Variants in EPHB1 observed in about 807,000 individuals in gnomAD.
EPHB1 encodes the protein EPH receptor B1.
Under a neutral mutation model 94.4 loss-of-function variants are expected in EPHB1, and 30 were observed. The observed-to-expected ratio is 0.32, with a 90% CI of 0.24 to 0.43. EPHB1 has a LOEUF of 0.43. EPHB1 is among the 20% of genes least tolerant of loss of function. The pLI is 1.00. For synonymous variants in EPHB1, 522 were observed against 489.1 expected (o/e 1.07, Z -0.89); for missense variants, 1,055 against 1,308.3 (o/e 0.81, Z 2.99).
In EPHB1 at chr3:135,073,828, G is replaced by C. The variant is rs140080546; in HGVS notation, c.806-32620G>C. Among the ~76,000 whole-genome samples, 37 of 151,844 alleles carry C rather than the reference G, an allele frequency of 2.4e-4. No individual in the cohort carries two copies. In the East Asian group the frequency reaches 7.2e-3, roughly 29 times the overall value. The stretch of plus-strand genomic sequence containing the variant: ...AACCATGTTGTTTGTCCTATGGAGC[G>C]TTCCATAGTCTGAGTTTGCTCGTTG... On this transcript the variant is annotated intron_variant, in intron 3 of 15. Transcript: ENST00000398015.
intron 12 of EPHB1, among the ~76,000 whole-genome samples, chr3:135,239,950 A>G (rs983941728): frequency 6.6e-6 from 1 of 152,108 alleles, no homozygotes; most frequent in East Asian, 1.9e-4. Flanking sequence ...AGGCACAGAG[A>G]GGTAGGTTAC....
rs186342583 is a variant in EPHB1, at chr3:135,101,339, A to T, written c.806-5109A>T. The stretch of plus-strand genomic sequence containing the variant: ...TTCTGAATTTCATCTCCTAACCATC[A>T]CAATAAACTGTTTAATCACCATTGC... On this transcript the variant is annotated intron_variant, in intron 3 of 15. Transcript: ENST00000398015. 1.1e-4 allele frequency among the ~76,000 whole-genome samples: 16 copies of T among 149,368 alleles called. No individual in the cohort carries two copies. In the Admixed American group the frequency reaches 1.1e-3, roughly 10 times the overall value.
rs145197064 is a variant in EPHB1 at position 135,203,087 on chromosome 3, A to G, written c.2346+1398A>G. On this transcript the variant is annotated intron_variant, in intron 12 of 15. Transcript: ENST00000398015. ...TTTGCAGGGACATGCATGAAGCTGG[A>G]AACCATCATTCTTAGAAAACTAACA... Among the ~76,000 whole-genome samples, 643 of 152,344 alleles carry G rather than the reference A, an allele frequency of 4.2e-3. 6 individuals carry two copies. Among genetic ancestry groups the G allele is most frequent in the African/African-American group, 0.014 (570 of 41,580 alleles).
chr3:135,180,979 T>C (rs1000132166), intron 10 of EPHB1, among the ~76,000 whole-genome samples: 16 of 152,238 alleles, frequency 1.1e-4, no homozygotes, highest in Non-Finnish European at 1.8e-4. Context: ...GGGAAAGCCA[T>C]GGAATTGCCT....
In EPHB1 at chr3:135,006,112, C is replaced by T. The variant is rs141995770; in HGVS notation, c.805+54060C>T. Among the ~76,000 whole-genome samples the T allele has an allele frequency of 6.9e-3, 1,055 of 152,336 alleles. 11 individuals carry two copies. The highest frequency in any genetic ancestry group is 0.024 in the African/African-American group (1,001 of 41,586). On this transcript the variant is annotated intron_variant, in intron 3 of 15. Transcript: ENST00000398015. The stretch of plus-strand genomic sequence containing the variant: ...GATTGTAAGTTTCCTGAGGCCTCCC[C>T]AGCCATGTGGAACTGTGAGTCAATT...
chr3:134,877,901 T>G (rs2037650509), intron 1 of EPHB1, among the ~76,000 whole-genome samples: 1 of 152,188 alleles, frequency 6.6e-6, no homozygotes, highest in African/African-American at 2.4e-5. Flanking sequence ...GGAGTCCTCT[T>G]CCACTGAGCT....
At chr3:135,149,993 C>T (rs6809493) in intron 5 of EPHB1, among the ~76,000 whole-genome samples, 6,228 of 152,282 alleles carry the variant, frequency 0.041, 423 homozygotes, top group African/African-American at 0.14. Context: ...CAACTAGACT[C>T]CTGCACAGAA....
intron 2 of EPHB1, among the ~76,000 whole-genome samples, chr3:134,931,703 G>A (rs1418569609): frequency 6.6e-6 from 1 of 152,306 alleles, no homozygotes; most frequent in Non-Finnish European, 1.5e-5. Flanking sequence ...TGTGTACTCC[G>A]TGTGTATGTA....
chr3:135,234,422 T>A (rs1943601051), intron 12 of EPHB1, among the ~76,000 whole-genome samples: 1 of 152,220 alleles, frequency 6.6e-6, no homozygotes, highest in African/African-American at 2.4e-5. Context: ...TCTAGGAAGT[T>A]CCAAACTTGC....
intron 3 of EPHB1, chr3:134,977,912 A>G: frequency 2.2e-6 from 1 of 452,218 alleles, no homozygotes; most frequent in South Asian, 1.6e-5. Context: ...TGTGAAGGAG[A>G]GAATGGAAGG....
intron 3 of EPHB1, among the ~76,000 whole-genome samples, chr3:135,033,691 G>A (rs1936558075): frequency 6.6e-6 from 1 of 152,200 alleles, no homozygotes; most frequent in Non-Finnish European, 1.5e-5. Context: ...TTAAGGATAT[G>A]CAGGGTAGTA....
At chr3:135,110,533 C>T (rs111907648) in intron 4 of EPHB1, among the ~76,000 whole-genome samples, 2 of 152,138 alleles carry the variant, frequency 1.3e-5, no homozygotes, top group African/African-American at 2.4e-5. Flanking sequence ...TTTTGGAACA[C>T]GAGCTTCCTT....
chr3:135,227,494 T>C (rs749579784), intron 12 of EPHB1, among the ~76,000 whole-genome samples: 8 of 152,204 alleles, frequency 5.3e-5, no homozygotes, highest in Non-Finnish European at 1.2e-4. Flanking sequence ...GATCTACTCA[T>C]AGGCTGCTTG....
At chr3:134,844,036 A>G (rs1397029917) in intron 1 of EPHB1, among the ~76,000 whole-genome samples, 1 of 152,178 alleles carries the variant, frequency 6.6e-6, no homozygotes, top group Non-Finnish European at 1.5e-5. Flanking sequence ...TTTTCCCCTG[A>G]ATGATGATGT....
intron 13 of EPHB1, among the ~76,000 whole-genome samples, chr3:135,247,402 T>A (rs901419870): frequency 8.5e-5 from 13 of 152,244 alleles, no homozygotes; most frequent in African/African-American, 2.9e-4. Context: ...AAGGCCTACA[T>A]TGTATTTTAG....
intron 15 of EPHB1, among the ~76,000 whole-genome samples, chr3:135,257,345 G>GT (rs1267391433): frequency 4.6e-5 from 7 of 152,038 alleles, no homozygotes; most frequent in Non-Finnish European, 7.4e-5. Flanking sequence ...CATCTTTGTG[G>GT]TTTTATCTAC....
chr3:135,192,888 G>T, intron 11 of EPHB1, 65 bp downstream of exon 11: 3 of 1,576,842 alleles, frequency 1.9e-6, no homozygotes, highest in Non-Finnish European at 2.6e-6. Context: ...GGGGAGAGGG[G>T]TTCCATGAGC....
At chr3:135,016,986 G>A (rs1448892985) in intron 3 of EPHB1, among the ~76,000 whole-genome samples, 1 of 152,202 alleles carries the variant, frequency 6.6e-6, no homozygotes, top group Non-Finnish European at 1.5e-5. Flanking sequence ...GAAGCTTGAA[G>A]GGAAGGAGGA....
At position 134,795,591 on chromosome 3, in the gene EPHB1, C is replaced by G. The variant is rs1392570808; in HGVS notation, c.-41C>G. The G allele has an allele frequency of 6.3e-7, 1 of 1,593,468 alleles. No individual in the cohort carries two copies. The highest frequency in any genetic ancestry group is 1.7e-5 in the Admixed American group (1 of 58,768). On this transcript the variant is annotated 5_prime_UTR_variant, in exon 1 of 16. Coordinates refer to ENST00000398015, the MANE Select transcript of EPHB1 (RefSeq NM_004441.5). ...GGGACGCGGCGCTCTCCCGGCGCTG[C>G]TGCCTCGGCTTGGTCTCGGCCTGCG...
Sources: gnomAD v4.1 joint callset for allele counts (sites outside exome capture counted in the v4.1 genomes callset) on GRCh38, gnomAD v4.1.1 for gene constraint, MANE v1.5 for transcripts, NCBI Gene and HGNC (gene_info 2026-07-23, HGNC 2026-07-21) for gene names.